Variants in FUT8 observed in about 807,000 individuals in gnomAD.
FUT8 encodes fucosyltransferase 8.
FUT8 carries 29 observed loss-of-function variants against 71.3 expected under a neutral mutation model. The ratio of observed to expected loss-of-function variants is 0.41; its 90% CI spans 0.30 to 0.55. FUT8 has a LOEUF of 0.55. Among genes scored for constraint, FUT8 ranks in the 20% least tolerant of loss-of-function variants. The pLI, the probability that FUT8 is intolerant of heterozygous loss-of-function variation, is 0.34. For synonymous variants in FUT8, 254 were observed against 239.3 expected (o/e 1.06, Z -0.57); for missense variants, 544 against 702.1 (o/e 0.77, Z 2.55).
chr14:65,620,640 T>C (rs904205057), intron 5 of FUT8, among the ~76,000 whole-genome samples: 6 of 152,176 alleles, frequency 3.9e-5, no homozygotes, highest in African/African-American at 1.2e-4. Context: ...CTTCAAACCT[T>C]CTATTCTTTG....
At chr14:65,554,422 C>CTA (rs1555370723) in intron 2 of FUT8, among the ~76,000 whole-genome samples, 7,979 of 109,072 alleles carry the variant, frequency 0.073, 311 homozygotes, top group Admixed American at 0.14. Context: ...AACTATATAT[C>CTA]TATATATATA....
the FUT8 span, among the ~76,000 whole-genome samples, chr14:65,362,509 T>TCAAA: frequency 0.029 from 4,344 of 151,548 alleles, 98 homozygotes; most frequent in East Asian, 0.097. Flanking sequence ...GACCCCCATC[T>TCAAA]CAAACAAACA....
intron 7 of FUT8, among the ~76,000 whole-genome samples, chr14:65,674,511 T>C (rs1838065913): frequency 6.6e-6 from 1 of 152,204 alleles, no homozygotes; most frequent in Admixed American, 6.5e-5. Flanking sequence ...AAGAGCTTCA[T>C]ATGTAGTTTT....
At chr14:65,677,156 G>GCGCT (rs1892785757) in intron 7 of FUT8, among the ~76,000 whole-genome samples, 1 of 115,678 alleles carries the variant, frequency 8.6e-6, no homozygotes, top group Non-Finnish European at 1.7e-5. Context: ...GTGTGTGCGC[G>GCGCT]CGCGCATGCG....
chr14:65,671,915 C>T (rs546354562), intron 7 of FUT8, among the ~76,000 whole-genome samples: 60 of 152,230 alleles, frequency 3.9e-4, no homozygotes, highest in Non-Finnish European at 7.2e-4. Context: ...TGTTGTCATT[C>T]TGAGTTGTAC....
rs562242590 is a variant in FUT8, at chr14:65,629,582, T to A, written c.573T>A (p.Val191=). 1 of 1,613,182 alleles carries A rather than the reference T, an allele frequency of 6.2e-7. No homozygotes were observed. The highest frequency in any genetic ancestry group is 1.1e-5 in the South Asian group (1 of 91,044). ...EKEAKDLTEL[V]QRRITYLQNP... ...AGGCCAAAGATCTGACAGAACTGGT[T>A]CAGCGGAGAATAACATATCTTCAGG... is the stretch of plus-strand genomic sequence containing the variant. The change falls in exon 6 of 11, where the codon GTT becomes GTA. Residue 191 remains valine, a synonymous_variant. Coordinates refer to ENST00000673929, the MANE Select transcript of FUT8 (RefSeq NM_001371533.1).
chr14:65,488,458 T>A (rs1207497492), intron 2 of FUT8: 1 of 152,208 alleles, frequency 6.6e-6, no homozygotes, highest in African/African-American at 2.4e-5. Context: ...TATTCTCTTC[T>A]ACCTTTTTAA....
At chr14:65,448,056 G>T (rs1050171515) in intron 1 of FUT8, among the ~76,000 whole-genome samples, 1 of 152,172 alleles carries the variant, frequency 6.6e-6, no homozygotes, top group Non-Finnish European at 1.5e-5. Flanking sequence ...GTATCACAGG[G>T]ATAGTGTTAG....
chr14:65,639,971 C>T (rs750019796), intron 6 of FUT8, among the ~76,000 whole-genome samples: 1 of 152,032 alleles, frequency 6.6e-6, no homozygotes, highest in African/African-American at 2.4e-5. Context: ...GTTTCCCCAA[C>T]TGCCAAATAC....
chr14:65,536,211 C>T (rs186450727), intron 2 of FUT8, among the ~76,000 whole-genome samples: 1 of 152,220 alleles, frequency 6.6e-6, no homozygotes, highest in Admixed American at 6.5e-5. Flanking sequence ...TTTAGCTTGC[C>T]ATTCTGTGCC....
intron 7 of FUT8, among the ~76,000 whole-genome samples, chr14:65,672,698 C>CA (rs1297515373): frequency 2.0e-5 from 3 of 152,252 alleles, no homozygotes; most frequent in Admixed American, 2.0e-4. Context: ...TGGCCTCAAG[C>CA]AGTCCTCCCA....
rs1293307025 is a variant in FUT8 at position 65,660,696 on chromosome 14, A to G, written c.598-8547A>G. On this transcript the variant is annotated intron_variant, in intron 6 of 10. Coordinates refer to ENST00000673929, the MANE Select transcript of FUT8 (RefSeq NM_001371533.1). This position sits in a 1 kb window ranked among gnomAD's most constrained non-coding sequence, Gnocchi z 4.1. ...GCCTTAGTACAGTCTTAACTTTGCT[A>G]TGGAAATATTCTTGTTTAATATGTT... Among the ~76,000 whole-genome samples the G allele has an allele frequency of 1.3e-5, 2 of 152,186 alleles. No homozygotes were observed. The highest frequency in any genetic ancestry group is 2.9e-5 in the Non-Finnish European group (2 of 68,032).
At chr14:65,560,219 T>G (rs1375344152) in intron 2 of FUT8, among the ~76,000 whole-genome samples, 1 of 151,972 alleles carries the variant, frequency 6.6e-6, no homozygotes, top group African/African-American at 2.4e-5. Flanking sequence ...CAAGTGCCCC[T>G]CACATTCAGT....
intron 2 of FUT8, chr14:65,488,322 A>T (rs1594690428): frequency 6.6e-6 from 1 of 152,118 alleles, no homozygotes; most frequent in Non-Finnish European, 1.5e-5. Context: ...TTCTGTGATG[A>T]TCCTAGTAGA....
At chr14:65,551,848 G>T (rs942787579) in intron 2 of FUT8, among the ~76,000 whole-genome samples, 1 of 152,114 alleles carries the variant, frequency 6.6e-6, no homozygotes, top group African/African-American at 2.4e-5. Flanking sequence ...ATTTAATAGA[G>T]ACTTCGTTCT....
intron 2 of FUT8, among the ~76,000 whole-genome samples, chr14:65,534,949 A>T (rs908925379): frequency 2.0e-5 from 3 of 151,158 alleles, no homozygotes; most frequent in Non-Finnish European, 4.4e-5. Flanking sequence ...GATTTTGGTT[A>T]TTCTGCTAGC....
chr14:65,602,447 T>C (rs529500729), intron 3 of FUT8, among the ~76,000 whole-genome samples: 1 of 148,512 alleles, frequency 6.7e-6, no homozygotes, highest in East Asian at 1.9e-4. Context: ...TGGTTCCACA[T>C]TTTTGCAATT....
chr14:65,666,765 A>G (rs1397839663), intron 6 of FUT8, among the ~76,000 whole-genome samples: 1 of 152,188 alleles, frequency 6.6e-6, no homozygotes, highest in Non-Finnish European at 1.5e-5. Context: ...CATAGATGCA[A>G]AAATCCTCAA....
intron 7 of FUT8, among the ~76,000 whole-genome samples, chr14:65,681,190 A>T (rs2140408586): frequency 6.6e-6 from 1 of 152,290 alleles, no homozygotes; most frequent in South Asian, 2.1e-4. Flanking sequence ...TCATTGCCTA[A>T]TACTACTGGC....
Sources: allele counts gnomAD v4.1 joint callset (sites outside exome capture counted in the v4.1 genomes callset), GRCh38; gene constraint gnomAD v4.1.1; non-coding constraint Gnocchi (gnomAD v3.1); transcripts MANE v1.5; gene names NCBI Gene and HGNC (gene_info 2026-07-23, HGNC 2026-07-21).